INSR: variants seen among roughly 807,000 people sequenced by gnomAD.
INSR encodes insulin receptor.
Under a neutral mutation model 142.6 loss-of-function variants are expected in INSR, and 67 were observed. The observed-to-expected ratio is 0.47, with a 90% CI of 0.39 to 0.58. INSR has a LOEUF of 0.58. INSR is among the 20% of genes least tolerant of loss of function. INSR has a pLI of 0.00. For missense variants in INSR, 1,248 were observed against 1,833.2 expected, an observed-to-expected ratio of 0.68 and a Z score of 5.83; for synonymous variants, 756 against 743.1, an observed-to-expected ratio of 1.02 and a Z score of -0.28.
chr19:7,199,792 A>G (rs1035942), intron 2 of INSR, among the ~76,000 whole-genome samples: 113,713 of 151,522 alleles, frequency 0.75, 42,880 homozygotes, highest in African/African-American at 0.8. Context: ...TGCAGAAATG[A>G]ATGGAGACCC....
intron 1 of INSR, 140 bp from the exon 2 acceptor site, chr19:7,268,036 G>A: frequency 1.3e-6 from 1 of 748,584 alleles, no homozygotes; most frequent in South Asian, 1.5e-5. Context: ...AAACTCTGCA[G>A]CCAGCCGGGA....
intron 2 of INSR, among the ~76,000 whole-genome samples, chr19:7,256,540 G>A (rs921800551): frequency 6.6e-6 from 1 of 152,044 alleles, no homozygotes; most frequent in African/African-American, 2.4e-5. Context: ...TGAAGCAGGT[G>A]GATTGCTTGG....
intron 8 of INSR, among the ~76,000 whole-genome samples, chr19:7,165,850 G>A (rs1415543027): frequency 6.7e-6 from 1 of 148,232 alleles, no homozygotes; most frequent in Admixed American, 6.8e-5. Context: ...GTGACAGAGT[G>A]AGACTTCATC....
At chr19:7,262,507 T>C (rs1478974898) in intron 2 of INSR, among the ~76,000 whole-genome samples, 1 of 152,096 alleles carries the variant, frequency 6.6e-6, no homozygotes, top group Non-Finnish European at 1.5e-5. Context: ...TCCTAAAGCC[T>C]CAGCAACAAG....
chr19:7,176,344 T>C (rs951667932), intron 3 of INSR, among the ~76,000 whole-genome samples: 1 of 152,220 alleles, frequency 6.6e-6, no homozygotes, highest in Non-Finnish European at 1.5e-5. Flanking sequence ...CTCATGCCTG[T>C]AATTCCGGCA....
intron 13 of INSR, among the ~76,000 whole-genome samples, chr19:7,136,098 G>A (rs532154102): frequency 3.3e-5 from 5 of 152,052 alleles, no homozygotes; most frequent in African/African-American, 7.2e-5. Context: ...GTTATTGTCC[G>A]TCTGTTTGTT....
intron 2 of INSR, among the ~76,000 whole-genome samples, chr19:7,202,996 G>GTTTT (rs371572449): frequency 0.018 from 1,229 of 67,472 alleles, 12 homozygotes; most frequent in Middle Eastern, 0.041. Flanking sequence ...GGGTTTTGTT[G>GTTTT]TTTTTTTTTT....
intron 2 of INSR, among the ~76,000 whole-genome samples, chr19:7,235,136 G>A (rs1293264514): frequency 2.6e-5 from 4 of 152,066 alleles, no homozygotes; most frequent in Non-Finnish European, 4.4e-5. Context: ...GTGAGGGCCA[G>A]TATTCAATCA....
intron 2 of INSR, among the ~76,000 whole-genome samples, chr19:7,223,075 C>T (rs189711319): frequency 1.4e-4 from 22 of 152,120 alleles, no homozygotes; most frequent in African/African-American, 4.8e-4. Flanking sequence ...CCCAGCTACT[C>T]GGGAGGCTGA....
chr19:7,268,526 A>T, intron 1 of INSR: 1 of 985,210 alleles, frequency 1.0e-6, no homozygotes, highest in Non-Finnish European at 1.2e-6. Flanking sequence ...ATGGCTCCCC[A>T]TCATCCTGCA....
chr19:7,183,417 G>C (rs1028745461), intron 3 of INSR, among the ~76,000 whole-genome samples: 1 of 152,088 alleles, frequency 6.6e-6, no homozygotes, highest in Admixed American at 6.6e-5. Flanking sequence ...AGTCTGCGAT[G>C]TGCGTAGGAA....
intron 12 of INSR, among the ~76,000 whole-genome samples, chr19:7,142,414 G>T (rs1051311862): frequency 9.5e-6 from 1 of 105,546 alleles, no homozygotes; most frequent in Non-Finnish European, 1.8e-5. Context: ...AAAAAAAAAA[G>T]GCCAGGTTCG....
Position 7,168,099 on chromosome 19 carries a change from A to G in INSR, c.1484-5T>C. ...ATTTAAGTAACTCATTTTCACCTGG[A>G]AAAGTTAAAACAAAAGGCAAAAATG... is the stretch of plus-strand genomic sequence containing the variant. On this transcript the variant is annotated splice_region_variant and splice_polypyrimidine_tract_variant and intron_variant, in intron 6 of 21. Coordinates refer to ENST00000302850, the MANE Select transcript of INSR (RefSeq NM_000208.4). The surrounding 1 kb of genome is among the most constrained non-coding windows in gnomAD (Gnocchi z 4.3). The G allele has an allele frequency of 3.1e-6, 5 of 1,613,816 alleles. No homozygotes were observed. The highest frequency in any genetic ancestry group is 4.2e-6 in the Non-Finnish European group (5 of 1,179,798).
At position 7,288,996 on chromosome 19, in the gene INSR, A is replaced by G. The variant is rs547295312; in HGVS notation, c.100+4796T>C. Among the ~76,000 whole-genome samples, 29 of 151,738 alleles carry G rather than the reference A, an allele frequency of 1.9e-4. 1 individual carries two copies. The South Asian group carries it at 6.0e-3, about 32-fold the overall frequency. On this transcript the variant is annotated intron_variant, in intron 1 of 21. Coordinates refer to ENST00000302850, the MANE Select transcript of INSR (RefSeq NM_000208.4). The stretch of plus-strand genomic sequence containing the variant: ...GTGAGCTGAGAGAAGATTAAAGGAA[A>G]CACTGACCCTCTGGGAAGAGAGAGC...
At chr19:7,164,616 G>A (rs62124507) in intron 8 of INSR, among the ~76,000 whole-genome samples, 14,905 of 136,094 alleles carry the variant, frequency 0.11, 1,024 homozygotes, top group South Asian at 0.26. Flanking sequence ...CTCGGAGTTC[G>A]AGACCAGCCT....
At chr19:7,230,027 AG>A (rs1239479777) in intron 2 of INSR, among the ~76,000 whole-genome samples, 2 of 152,054 alleles carry the variant, frequency 1.3e-5, no homozygotes, top group Non-Finnish European at 2.9e-5. Flanking sequence ...CCTGGCTTCA[AG>A]GAAGTCTTCT....
intron 2 of INSR, among the ~76,000 whole-genome samples, chr19:7,244,799 AAAG>A (rs1254819690): frequency 6.6e-6 from 1 of 152,182 alleles, no homozygotes; most frequent in Non-Finnish European, 1.5e-5. Flanking sequence ...CTTCAGCCTC[AAAG>A]AACATGTTTA....
At chr19:7,154,460 G>A (rs1172907626) in intron 9 of INSR, among the ~76,000 whole-genome samples, 2 of 149,310 alleles carry the variant, frequency 1.3e-5, no homozygotes, top group South Asian at 2.1e-4. Flanking sequence ...CCGCTGCCAC[G>A]CCCGGCTAAT....
intron 8 of INSR, among the ~76,000 whole-genome samples, chr19:7,165,879 A>AAAAG (rs1973876845): frequency 6.6e-6 from 1 of 151,682 alleles, no homozygotes; most frequent in African/African-American, 2.4e-5. Flanking sequence ...AAAAAAAAAA[A>AAAAG]AAAGCCACAC....
Sources: gnomAD v4.1 joint callset for allele counts (sites outside exome capture counted in the v4.1 genomes callset) on GRCh38, gnomAD v4.1.1 for gene constraint, Gnocchi (gnomAD v3.1) non-coding constraint, MANE v1.5 for transcripts, NCBI Gene and HGNC (gene_info 2026-07-23, HGNC 2026-07-21) for gene names.